PPP3R1: variants seen among roughly 807,000 people sequenced by gnomAD.
The protein encoded by PPP3R1 is protein phosphatase 3 regulatory subunit B, alpha.
Under a neutral mutation model 22.6 loss-of-function variants are expected in PPP3R1, and 5 were observed. That is an observed-to-expected ratio of 0.22 (90% confidence interval 0.12 to 0.46). The LOEUF (loss-of-function observed/expected upper bound fraction) is 0.46, where lower values mean the gene tolerates loss of function less well. Among genes scored for constraint, PPP3R1 ranks in the 20% least tolerant of loss-of-function variants. PPP3R1 has a pLI of 0.99. For synonymous variants in PPP3R1, 56 were observed against 65.2 expected (o/e 0.86, Z 0.68); for missense variants, 61 against 203.2 (o/e 0.30, Z 4.25).
chr2:68,221,723 A>T (rs1374456782), intron 1 of PPP3R1, among the ~76,000 whole-genome samples: 1 of 152,170 alleles, frequency 6.6e-6, no homozygotes, highest in Non-Finnish European at 1.5e-5. Flanking sequence ...TGACACAGAA[A>T]ATCTTAAATA....
rs1050131360 is a variant in PPP3R1 at position 68,252,204 on chromosome 2, G to GCGGCGGCGGCC, written c.-88_-78dup. Reference sequence around the variant, plus strand: ...CGCTCAGGCTGGCTCGCAGGAAACGGCGGCGGCGGCCCAGCTGCGGCCCTC... The same window carrying GCGGCGGCGGCC: ...CGCTCAGGCTGGCTCGCAGGAAACGGCGGCGGCGGCCCGGCGGCGGCCCAGCTGCGGCCCTC... On this transcript the variant is annotated 5_prime_UTR_variant, in exon 1 of 6. Transcript: ENST00000234310. The GCGGCGGCGGCC allele has an allele frequency of 1.0e-5, 13 of 1,246,212 alleles. No homozygotes were observed. The highest frequency in any genetic ancestry group is 4.7e-5 in the African/African-American group (3 of 63,956). 77.2% of individuals were successfully genotyped at this position (1,246,212 alleles called of 1,614,324 possible).
chr2:68,193,463 A>T (rs1674707134), intron 2 of PPP3R1, among the ~76,000 whole-genome samples: 1 of 152,162 alleles, frequency 6.6e-6, no homozygotes, highest in South Asian at 2.1e-4. Context: ...GAGGCTGAGC[A>T]ACTAGAGGAA....
intron 2 of PPP3R1, among the ~76,000 whole-genome samples, chr2:68,205,005 T>C (rs183932305): frequency 4.9e-4 from 74 of 152,324 alleles, no homozygotes; most frequent in African/African-American, 1.7e-3. Flanking sequence ...TATTTCTTAT[T>C]GATTTTATTC....
At chr2:68,205,015 C>A (rs910771056) in intron 2 of PPP3R1, among the ~76,000 whole-genome samples, 1 of 152,068 alleles carries the variant, frequency 6.6e-6, no homozygotes, top group African/African-American at 2.4e-5. Context: ...TGATTTTATT[C>A]TTGGTTACTT....
intron 2 of PPP3R1, among the ~76,000 whole-genome samples, chr2:68,189,392 T>G (rs1192025480): frequency 6.6e-6 from 1 of 152,204 alleles, no homozygotes; most frequent in Non-Finnish European, 1.5e-5. Flanking sequence ...AATGTTTACA[T>G]TAGTTTGTAA....
rs532035855 is a variant in PPP3R1 at position 68,201,708 on chromosome 2, A to G, written c.44-13018T>C. Among the ~76,000 whole-genome samples, 12 of 152,290 alleles carry G rather than the reference A, an allele frequency of 7.9e-5. No homozygotes were observed. The East Asian group carries it at 2.1e-3, about 27-fold the overall frequency. On this transcript the variant is annotated intron_variant, in intron 2 of 5. Coordinates refer to ENST00000234310, the MANE Select transcript of PPP3R1 (RefSeq NM_000945.4). ...TAAGTTAACCTTCCCAAGTCCTTAAATTTCTGAAAATGTCTTTTTTTGTTC... is the reference window on the plus strand; with the variant it reads ...TAAGTTAACCTTCCCAAGTCCTTAAGTTTCTGAAAATGTCTTTTTTTGTTC...
chr2:68,207,139 G>C (rs1444654861), intron 2 of PPP3R1, among the ~76,000 whole-genome samples: 3 of 149,782 alleles, frequency 2.0e-5, no homozygotes, highest in Non-Finnish European at 4.4e-5. Context: ...ACTACAATGT[G>C]TGGGTGAACA....
Position 68,229,970 on chromosome 2 carries a change from A to C in PPP3R1, c.4-12839T>G, listed in dbSNP as rs1214142861. 9.0e-4 allele frequency among the ~76,000 whole-genome samples: 64 copies of C among 71,386 alleles called. No individual in the cohort carries two copies. In the Admixed American group the frequency reaches 9.5e-3, roughly 11 times the overall value. The allele number at this position is 71,386 out of a possible 152,430, so 46.8% of individuals were successfully genotyped here. On this transcript the variant is annotated intron_variant, in intron 1 of 5. Coordinates refer to ENST00000234310, the MANE Select transcript of PPP3R1 (RefSeq NM_000945.4). ...TATATGTGTGTGTGTATATATACAC[A>C]CATACACACACACACACACACACAC...
chr2:68,181,194 C>CCTGG (rs1464380468), intron 5 of PPP3R1, among the ~76,000 whole-genome samples, 184 bp from the exon 6 acceptor site: 2 of 152,080 alleles, frequency 1.3e-5, no homozygotes, highest in Non-Finnish European at 2.9e-5. Flanking sequence ...TCGAGACCAT[C>CCTGG]CTGGCTAACA....
chr2:68,213,947 G>A (rs1669530289), intron 2 of PPP3R1, among the ~76,000 whole-genome samples: 1 of 152,120 alleles, frequency 6.6e-6, no homozygotes, highest in African/African-American at 2.4e-5. Context: ...CATGGTACTG[G>A]TACAAAAACA....
intron 1 of PPP3R1, among the ~76,000 whole-genome samples, chr2:68,230,741 G>A (rs551477055): frequency 3.3e-5 from 5 of 152,132 alleles, no homozygotes; most frequent in Non-Finnish European, 5.9e-5. Flanking sequence ...CATATGTCTT[G>A]ATTTCCCTTT....
rs372467724 is a variant in PPP3R1, at chr2:68,231,827, GTATAAA to G, written c.4-14702_4-14697del. 8.1e-3 allele frequency among the ~76,000 whole-genome samples: 1,226 copies of G among 152,128 alleles called. 19 individuals are homozygous for G. The highest frequency in any genetic ancestry group is 0.028 in the African/African-American group (1,159 of 41,498). On this transcript the variant is annotated intron_variant, in intron 1 of 5. Transcript: ENST00000234310. ...ACTAATGATTGCTTTTGCACCATCA[GTATAAA>G]TATAAACAGTCAAGACAGGTAATGT...
chr2:68,230,784 T>TTTC (rs1362968067), intron 1 of PPP3R1, among the ~76,000 whole-genome samples: 1 of 152,154 alleles, frequency 6.6e-6, no homozygotes, highest in Non-Finnish European at 1.5e-5. Flanking sequence ...TAGATACAGG[T>TTTC]TTCTGAGTTG....
At chr2:68,249,817 G>C (rs983644798) in intron 1 of PPP3R1, among the ~76,000 whole-genome samples, 2 of 151,922 alleles carry the variant, frequency 1.3e-5, no homozygotes, top group African/African-American at 4.8e-5. Context: ...AATCTTATAA[G>C]CCTTTTTACT....
chr2:68,211,610 T>C (rs1005016918), intron 2 of PPP3R1, among the ~76,000 whole-genome samples: 1 of 152,134 alleles, frequency 6.6e-6, no homozygotes, highest in African/African-American at 2.4e-5. Flanking sequence ...ATAAAAGATT[T>C]TTCTGTAACA....
intron 1 of PPP3R1, among the ~76,000 whole-genome samples, chr2:68,217,688 T>C (rs1005076876): frequency 2.0e-5 from 3 of 152,164 alleles, no homozygotes; most frequent in African/African-American, 7.2e-5. Context: ...AGCCAGCCAC[T>C]TGAAAACCAT....
chr2:68,200,861 A>G (rs572514887), intron 2 of PPP3R1, among the ~76,000 whole-genome samples: 3 of 152,244 alleles, frequency 2.0e-5, no homozygotes, highest in Admixed American at 2.0e-4. Context: ...CGTTTTTCCT[A>G]CTGAAGGCCT....
chr2:68,192,301 G>A (rs1284401531), intron 2 of PPP3R1, among the ~76,000 whole-genome samples: 3 of 151,980 alleles, frequency 2.0e-5, no homozygotes, highest in Non-Finnish European at 4.4e-5. Context: ...AAGGTGACAG[G>A]GAATTTAAAC....
At chr2:68,240,135 A>C (rs1024913862) in intron 1 of PPP3R1, among the ~76,000 whole-genome samples, 4 of 152,240 alleles carry the variant, frequency 2.6e-5, no homozygotes, top group Admixed American at 6.5e-5. Flanking sequence ...AACGTAAGTC[A>C]AGGAGCATTT....
Sources: gnomAD v4.1 joint callset for allele counts (sites outside exome capture counted in the v4.1 genomes callset) on GRCh38, gnomAD v4.1.1 for gene constraint, MANE v1.5 for transcripts, NCBI Gene and HGNC (gene_info 2026-07-23, HGNC 2026-07-21) for gene names.